The following OPRM1 variants were observed in gnomAD, a reference collection of about 807,000 sequenced individuals.
OPRM1 encodes mu-type opioid receptor.
In OPRM1, 27 loss-of-function variants were observed where a neutral mutation model predicts 31.8. The ratio of observed to expected loss-of-function variants is 0.85; its 90% CI spans 0.63 to 1.17. The LOEUF is 1.17. Ranked by LOEUF, OPRM1 falls within the 50% of genes most tolerant of loss-of-function variation. The pLI is 0.00. For synonymous variants in OPRM1, 196 were observed against 189.9 expected (o/e 1.03, Z -0.26); for missense variants, 536 against 511.1 (o/e 1.05, Z -0.47).
rs1562499849 is a variant in OPRM1 at position 154,131,139 on chromosome 6, A to T, written c.*12418A>T. Among the ~76,000 whole-genome samples, 1 of 152,210 alleles carries T rather than the reference A, an allele frequency of 6.6e-6. No individual in the cohort carries two copies. The highest frequency in any genetic ancestry group is 1.5e-5 in the Non-Finnish European group (1 of 68,036). On this transcript the variant is annotated 3_prime_UTR_variant, in exon 4 of 4. Transcript: ENST00000330432. Reference sequence around the variant, plus strand: ...TTGCTATCCAAATATAATTTCCACTAGAAAAGAAAAGATGTCCTCCATGTT... The same window carrying T: ...TTGCTATCCAAATATAATTTCCACTTGAAAAGAAAAGATGTCCTCCATGTT...
intron 1 of OPRM1, among the ~76,000 whole-genome samples, chr6:154,050,516 A>C (rs1454524882): frequency 2.0e-5 from 3 of 151,772 alleles, no homozygotes; most frequent in Admixed American, 6.6e-5. Context: ...CAAACTTTGC[A>C]TGTTCTTACT....
rs1789865141 is a variant in OPRM1 at position 154,084,029 on chromosome 6, C to A, written c.291-5797C>A. On this transcript the variant is annotated intron_variant, in intron 1 of 3. Transcript: ENST00000330432. The stretch of plus-strand genomic sequence containing the variant: ...ACACAGGAATGGAAACGGCCACTTG[C>A]CCTCTGGATGGAAATGCCTCTTTGC... Among the ~76,000 whole-genome samples the A allele has an allele frequency of 2.0e-5, 3 of 151,404 alleles. No homozygotes were observed. The South Asian group carries it at 6.3e-4, about 32-fold the overall frequency.
At chr6:154,184,240 CT>C (rs1801143438) in intron 3 of OPRM1, among the ~76,000 whole-genome samples, 1 of 151,974 alleles carries the variant, frequency 6.6e-6, no homozygotes, top group Non-Finnish European at 1.5e-5. Flanking sequence ...TGTAATAGCA[CT>C]GGCATATAAA....
At chr6:154,239,786 C>T (rs932338509) in intron 3 of OPRM1, among the ~76,000 whole-genome samples, 1 of 152,190 alleles carries the variant, frequency 6.6e-6, no homozygotes, top group East Asian at 1.9e-4. Context: ...TAACTGCAAC[C>T]TCCGCCTCCC....
At chr6:154,084,401 T>C (rs1052540670) in intron 1 of OPRM1, among the ~76,000 whole-genome samples, 2 of 147,184 alleles carry the variant, frequency 1.4e-5, no homozygotes, top group East Asian at 4.0e-4. Flanking sequence ...TTTTAGAACC[T>C]CCCCCCCCAA....
rs202196020 is a variant in OPRM1, at chr6:154,093,361, A to G, written c.1164+1889A>G. ...CCACTGCAAGGACCTCTTGTCAGAT[A>G]TGACCTCCCAGCTATCCTTCACTCG... On this transcript the variant is annotated intron_variant, in intron 3 of 3. Coordinates refer to ENST00000330432, the MANE Select transcript of OPRM1 (RefSeq NM_000914.5). 845 of 1,613,992 alleles carry G rather than the reference A, an allele frequency of 5.2e-4. 3 individuals carry two copies. The highest frequency in any genetic ancestry group is 1.0e-4 in the Non-Finnish European group (120 of 1,180,016).
chr6:154,059,161 C>T (rs942053213), intron 1 of OPRM1, among the ~76,000 whole-genome samples: 6 of 152,102 alleles, frequency 3.9e-5, no homozygotes, highest in South Asian at 2.1e-4. Context: ...TTGTGGAAAT[C>T]GGAATGAAGG....
intron 3 of OPRM1, chr6:154,110,480 C>T: frequency 1.0e-6 from 1 of 993,250 alleles, no homozygotes; most frequent in Admixed American, 2.2e-5. Flanking sequence ...TGCTGCTAGC[C>T]CTAATGGAGA....
chr6:154,019,742 C>CT (rs1460674527), intron 1 of OPRM1, among the ~76,000 whole-genome samples: 1 of 131,194 alleles, frequency 7.6e-6, no homozygotes, highest in African/African-American at 3.3e-5. Flanking sequence ...CTTTTCTTTT[C>CT]TTTTCTTTTT....
intron 3 of OPRM1, among the ~76,000 whole-genome samples, chr6:154,177,715 G>A (rs1172914813): frequency 6.6e-6 from 1 of 152,192 alleles, no homozygotes; most frequent in African/African-American, 2.4e-5. Context: ...TTCAACCATT[G>A]TGGAAGACAG....
At chr6:154,033,958 AT>A (rs1435308370) in intron 1 of OPRM1, among the ~76,000 whole-genome samples, 1 of 152,242 alleles carries the variant, frequency 6.6e-6, no homozygotes, top group Non-Finnish European at 1.5e-5. Context: ...CAGTGACCCC[AT>A]GGCATACTAA....
At chr6:154,082,914 A>G (rs866873285) in intron 1 of OPRM1, among the ~76,000 whole-genome samples, 3 of 152,228 alleles carry the variant, frequency 2.0e-5, no homozygotes, top group Non-Finnish European at 2.9e-5. Context: ...CTGCTTATAT[A>G]TGTCAGAGAA....
intron 3 of OPRM1, among the ~76,000 whole-genome samples, chr6:154,163,666 C>T (rs1246000193): frequency 2.0e-5 from 3 of 152,078 alleles, no homozygotes; most frequent in African/African-American, 2.4e-5. Context: ...TCGTTGAATA[C>T]TTGTTGAAAA....
chr6:154,199,247 G>A (rs1269522454), intron 3 of OPRM1, among the ~76,000 whole-genome samples: 2 of 152,218 alleles, frequency 1.3e-5, no homozygotes, highest in Admixed American at 1.3e-4. Flanking sequence ...ACTGTCTGGG[G>A]CACAGCCCAG....
At chr6:154,086,653 G>T in intron 1 of OPRM1, 1 of 984,550 alleles carries the variant, frequency 1.0e-6, no homozygotes, top group Non-Finnish European at 1.2e-6. Flanking sequence ...AATACTTAGT[G>T]CTAAAATAAG....
chr6:154,106,881 T>G (rs1395596320), intron 3 of OPRM1, among the ~76,000 whole-genome samples: 1 of 152,242 alleles, frequency 6.6e-6, no homozygotes, highest in Non-Finnish European at 1.5e-5. Flanking sequence ...TGACCTTAAT[T>G]TAGACCAAAT....
At chr6:154,189,825 T>C (rs1163753425) in intron 3 of OPRM1, among the ~76,000 whole-genome samples, 1 of 151,676 alleles carries the variant, frequency 6.6e-6, no homozygotes, top group Admixed American at 6.6e-5. Flanking sequence ...AAAAATTATC[T>C]GGGCATGGTG....
intron 3 of OPRM1, chr6:154,155,658 G>T (rs374575005): frequency 1.3e-5 from 2 of 152,004 alleles, no homozygotes; most frequent in African/African-American, 4.8e-5. Context: ...TTAGCCGGGC[G>T]TAGTCCCAGC....
Position 154,120,921 on chromosome 6 carries a change from A to G in OPRM1, c.*2200A>G, listed in dbSNP as rs1797263601. On this transcript the variant is annotated 3_prime_UTR_variant, in exon 4 of 4. Transcript: ENST00000330432. ...AGACTCTACACAGAATACACAATAA[A>G]GGGAGTTATTTTTAAAATAAGACAT... Among the ~76,000 whole-genome samples, 1 of 152,190 alleles carries G rather than the reference A, an allele frequency of 6.6e-6. No homozygotes were observed. Among genetic ancestry groups the G allele is most frequent in the Non-Finnish European group, 1.5e-5 (1 of 68,026 alleles).
Sources: gnomAD v4.1 joint callset for allele counts (sites outside exome capture counted in the v4.1 genomes callset) on GRCh38, gnomAD v4.1.1 for gene constraint, MANE v1.5 for transcripts, NCBI Gene and HGNC (gene_info 2026-07-23, HGNC 2026-07-21) for gene names.